The following CXCR5 variants were observed in gnomAD, a reference collection of about 807,000 sequenced individuals.
CXCR5 encodes the protein C-X-C motif chemokine receptor 5, also known as C-X-C chemokine receptor type 5.
In CXCR5, 3 loss-of-function variants were observed where a neutral mutation model predicts 5.6. That is an observed-to-expected ratio of 0.54 (90% confidence interval 0.24 to 1.39). The LOEUF (loss-of-function observed/expected upper bound fraction) is 1.39. Ranked by LOEUF, CXCR5 falls within the 40% of genes most tolerant of loss-of-function variation. The probability of loss-of-function intolerance (pLI) is 0.16; values close to 1 mark genes in which losing one functional copy is unlikely to be tolerated. For synonymous variants in CXCR5, 218 were observed against 219.9 expected, an observed-to-expected ratio of 0.99 and a Z score of 0.08; for missense variants, 333 against 494.6, an observed-to-expected ratio of 0.67 and a Z score of 3.10.
intron 1 of CXCR5, among the ~76,000 whole-genome samples, chr11:118,891,008 G>A (rs1591966243): frequency 6.6e-6 from 1 of 152,162 alleles, no homozygotes; most frequent in East Asian, 1.9e-4. Context: ...AGGCTGTAGT[G>A]TGCTATGGTC....
chr11:118,893,495 G>A lies in CXCR5; in HGVS notation c.52-101G>A. On this transcript the variant is annotated intron_variant, in intron 1 of 1. Coordinates refer to ENST00000292174, the MANE Select transcript of CXCR5 (RefSeq NM_001716.5). This position sits in a 1 kb window ranked among gnomAD's most constrained non-coding sequence, Gnocchi z 5.7. Reference sequence around the variant, plus strand: ...ATTTGAAACTTGACATTTGGTCAGTGGGCCCTATGTAGGAAAAAACCTCCA... The same window carrying A: ...ATTTGAAACTTGACATTTGGTCAGTAGGCCCTATGTAGGAAAAAACCTCCA... 6.8e-7 allele frequency: 1 copy of A among 1,477,694 alleles called. No individual in the cohort carries two copies. The highest frequency in any genetic ancestry group is 1.4e-5 in the African/African-American group (1 of 71,236). The allele number at this position is 1,477,694 out of a possible 1,614,324, so 91.5% of individuals were successfully genotyped here. A position where few individuals can be genotyped will look rare whatever the true frequency, so the allele number is the denominator to read the frequency against.
At chr11:118,884,319 G>A (rs1330484116) in intron 1 of CXCR5, among the ~76,000 whole-genome samples, 2 of 152,084 alleles carry the variant, frequency 1.3e-5, no homozygotes, top group African/African-American at 4.8e-5. Flanking sequence ...TTTCTCTTAG[G>A]GTCGGAATAT....
At position 118,897,623 on chromosome 11, in the gene CXCR5, G is replaced by A. The variant is rs1050368308; in HGVS notation, c.*2960G>A. 4.1e-5 allele frequency: 15 copies of A among 364,836 alleles called. No homozygotes were observed. The highest frequency in any genetic ancestry group is 2.2e-4 in the Admixed American group (6 of 27,456). The allele number at this position is 364,836 out of a possible 1,614,324, so 22.6% of individuals were successfully genotyped here. On this transcript the variant is annotated 3_prime_UTR_variant, in exon 2 of 2. Transcript: ENST00000292174. ...TTACGTCATCTTACCATTTGGGGAC[G>A]AGACAGGAATGGTATCCCTTAGGGA...
chr11:118,893,352 C>A lies in CXCR5; in HGVS notation c.52-244C>A. The A allele has an allele frequency of 1.0e-6, 1 of 982,758 alleles. No homozygotes were observed. Among genetic ancestry groups the A allele is most frequent in the Non-Finnish European group, 1.2e-6 (1 of 827,510 alleles). The allele number at this position is 982,758 out of a possible 1,614,324, so 60.9% of individuals were successfully genotyped here. A position where few individuals can be genotyped will look rare whatever the true frequency, so the allele number is the denominator to read the frequency against. ...ATGGGGTCCAGCCCTCCAGCACTTA[C>A]AAAGCTCAGCCACCCGCACGCCTCC... On this transcript the variant is annotated intron_variant, in intron 1 of 1. Coordinates refer to ENST00000292174, the MANE Select transcript of CXCR5 (RefSeq NM_001716.5). The surrounding 1 kb of genome is among the most constrained non-coding windows in gnomAD (Gnocchi z 5.7).
chr11:118,886,429 C>T (rs1373639414), intron 1 of CXCR5: 10 of 427,592 alleles, frequency 2.3e-5, no homozygotes, highest in South Asian at 1.0e-4. Context: ...CTCTTGAACT[C>T]GAAGACCAAC....
In CXCR5 at chr11:118,893,847, C is replaced by T. The variant is rs1939852341; in HGVS notation, c.303C>T (p.Val101=). The T allele has an allele frequency of 1.9e-6, 3 of 1,614,142 alleles. No homozygotes were observed. The highest frequency in any genetic ancestry group is 2.5e-6 in the Non-Finnish European group (3 of 1,180,042). ...TGGCCGTGGCCGACCTCCTGCTGGT[C>T]TTCATCTTGCCCTTTGCCGTGGCCG... ...FHLAVADLLL[V]FILPFAVAEG... is the part of the protein sequence containing the mutation. Residue 101 remains valine, a synonymous_variant, in exon 2 of 2, where the codon GTC becomes GTT. Coordinates refer to ENST00000292174, the MANE Select transcript of CXCR5 (RefSeq NM_001716.5). This position sits in a 1 kb window ranked among gnomAD's most constrained non-coding sequence, Gnocchi z 5.7.
At position 118,893,487 on chromosome 11, in the gene CXCR5, TG is replaced by T. The variant is rs1939843596; in HGVS notation, c.52-107del. 1 of 1,468,402 alleles carries T rather than the reference TG, an allele frequency of 6.8e-7. No individual in the cohort carries two copies. Among genetic ancestry groups the T allele is most frequent in the East Asian group, 2.3e-5 (1 of 43,082 alleles). The allele number at this position is 1,468,402 out of a possible 1,614,324, so 91.0% of individuals were successfully genotyped here. ...AAATTGAAATTTGAAACTTGACATT[TG>T]GTCAGTGGGCCCTATGTAGGAAAAA... On this transcript the variant is annotated intron_variant, in intron 1 of 1. Transcript: ENST00000292174. This position sits in a 1 kb window ranked among gnomAD's most constrained non-coding sequence, Gnocchi z 5.7.
intron 1 of CXCR5, chr11:118,886,284 G>T (rs112483400): frequency 2.3e-6 from 1 of 433,510 alleles, no homozygotes; most frequent in Admixed American, 2.8e-5. Context: ...TTCCTTGAAC[G>T]CTGGGTTTTA....
At chr11:118,885,363 C>T (rs924982885) in intron 1 of CXCR5, among the ~76,000 whole-genome samples, 2 of 152,240 alleles carry the variant, frequency 1.3e-5, no homozygotes, top group African/African-American at 4.8e-5. Flanking sequence ...AAGGCAACAG[C>T]AGAGCACTAA....
chr11:118,887,255 C>T (rs1939727798), intron 1 of CXCR5: 3 of 985,302 alleles, frequency 3.0e-6, no homozygotes, highest in South Asian at 9.4e-5. Context: ...ATATGTGGAC[C>T]TAAGAATCAG....
chr11:118,893,578 G>A lies in CXCR5; in HGVS notation c.52-18G>A, dbSNP rs778304608. The A allele has an allele frequency of 4.5e-6, 7 of 1,552,264 alleles. No homozygotes were observed. Among genetic ancestry groups the A allele is most frequent in the South Asian group, 2.4e-5 (2 of 83,254 alleles). On this transcript the variant is annotated intron_variant, in intron 1 of 1. Coordinates refer to ENST00000292174, the MANE Select transcript of CXCR5 (RefSeq NM_001716.5). This position sits in a 1 kb window ranked among gnomAD's most constrained non-coding sequence, Gnocchi z 5.7. ...CAGGTCCTTAGGTCCTCACCCTCCC[G>A]TCTCCTTGCCCTTGCAGTTCTGGGA... is the stretch of plus-strand genomic sequence containing the variant.
rs1939949954 is a variant in CXCR5, at chr11:118,897,153, G to C, written c.*2490G>C. ...CATCCTCAGGGAGTGGAGACTGGAGGGGAGGTGCACTGACTCAGATGAACT... is the reference window on the plus strand; with the variant it reads ...CATCCTCAGGGAGTGGAGACTGGAGCGGAGGTGCACTGACTCAGATGAACT... On this transcript the variant is annotated 3_prime_UTR_variant, in exon 2 of 2. Transcript: ENST00000292174. 1 of 153,468 alleles carries C rather than the reference G, an allele frequency of 6.5e-6. No individual in the cohort carries two copies. The highest frequency in any genetic ancestry group is 2.4e-5 in the African/African-American group (1 of 41,456). The allele number at this position is 153,468 out of a possible 1,614,324, so 9.5% of individuals were successfully genotyped here. A position where few individuals can be genotyped will look rare whatever the true frequency, so the allele number is the denominator to read the frequency against.
At chr11:118,890,295 C>T (rs1939788170) in intron 1 of CXCR5, among the ~76,000 whole-genome samples, 1 of 152,138 alleles carries the variant, frequency 6.6e-6, no homozygotes, top group African/African-American at 2.4e-5. Context: ...AGCAGGTCAG[C>T]ACACGTCTGT....
intron 1 of CXCR5, among the ~76,000 whole-genome samples, chr11:118,888,969 T>C (rs564613392): frequency 6.6e-6 from 1 of 152,220 alleles, no homozygotes; most frequent in South Asian, 2.1e-4. Flanking sequence ...GGCAGCCTCA[T>C]TATTTGGAGA....
Position 118,894,673 on chromosome 11 carries a change from TC to T in CXCR5, c.*14del. On this transcript the variant is annotated 3_prime_UTR_variant, in exon 2 of 2. Transcript: ENST00000292174. This position sits in a 1 kb window ranked among gnomAD's most constrained non-coding sequence, Gnocchi z 6.1. ...TCTCACCACGTTCTAGGTCCCAGTG[TC>T]CCCTTTTATTGCTGCTTTTCCTTGG... 1 of 1,505,604 alleles carries T rather than the reference TC, an allele frequency of 6.6e-7. No homozygotes were observed. Among genetic ancestry groups the T allele is most frequent in the South Asian group, 1.4e-5 (1 of 72,446 alleles). The allele number at this position is 1,505,604 out of a possible 1,614,324, so 93.3% of individuals were successfully genotyped here.
In CXCR5 at chr11:118,895,266, C is replaced by T. The variant is rs1939887009; in HGVS notation, c.*603C>T. The T allele has an allele frequency of 6.0e-6, 1 of 167,178 alleles. No homozygotes were observed. The highest frequency in any genetic ancestry group is 1.5e-5 in the Non-Finnish European group (1 of 68,228). 10.4% of individuals were successfully genotyped at this position (167,178 alleles called of 1,614,324 possible). Reference sequence around the variant, plus strand: ...ATCTTGACCAAGCAGGAAGCTCAGACTGGTTGAGTTCAGGTAGCTGCCCCT... The same window carrying T: ...ATCTTGACCAAGCAGGAAGCTCAGATTGGTTGAGTTCAGGTAGCTGCCCCT... On this transcript the variant is annotated 3_prime_UTR_variant, in exon 2 of 2. Transcript: ENST00000292174. This position sits in a 1 kb window ranked among gnomAD's most constrained non-coding sequence, Gnocchi z 4.2.
chr11:118,884,954 G>A (rs1450138533), intron 1 of CXCR5, among the ~76,000 whole-genome samples: 1 of 152,094 alleles, frequency 6.6e-6, no homozygotes, highest in East Asian at 1.9e-4. Context: ...ACTTGTTTCG[G>A]GGCTGCACTC....
chr11:118,886,544 G>A, intron 1 of CXCR5: 1 of 364,684 alleles, frequency 2.7e-6, no homozygotes, highest in South Asian at 2.1e-5. Context: ...AAATTAGATG[G>A]CTAAGAACCA....
rs1217411450 is a variant in CXCR5, at chr11:118,893,465, T to C, written c.52-131T>C. ...AAAAGACAAAGTGATTTGTTCAAAA[T>C]TGAAATTTGAAACTTGACATTTGGT... On this transcript the variant is annotated intron_variant, in intron 1 of 1. Transcript: ENST00000292174. The surrounding 1 kb of genome is among the most constrained non-coding windows in gnomAD (Gnocchi z 5.7). The C allele has an allele frequency of 1.2e-5, 18 of 1,443,484 alleles. No homozygotes were observed. The highest frequency in any genetic ancestry group is 1.6e-5 in the Non-Finnish European group (18 of 1,096,446). The allele number at this position is 1,443,484 out of a possible 1,614,324, so 89.4% of individuals were successfully genotyped here.
Sources: gnomAD v4.1 joint callset for allele counts (sites outside exome capture counted in the v4.1 genomes callset) on GRCh38, gnomAD v4.1.1 for gene constraint, Gnocchi (gnomAD v3.1) non-coding constraint, MANE v1.5 for transcripts, NCBI Gene and HGNC (gene_info 2026-07-23, HGNC 2026-07-21) for gene names.